Variants in WHRN observed in about 807,000 individuals in gnomAD.
WHRN encodes the protein CASK-interacting protein CIP98.
WHRN carries 41 observed loss-of-function variants against 68.3 expected under a neutral mutation model. That is an observed-to-expected ratio of 0.60 (90% CI 0.47 to 0.78). WHRN has a LOEUF of 0.78. Ranked by LOEUF, WHRN falls within the 30% of genes least tolerant of loss-of-function variation. The pLI is 0.00. For missense variants in WHRN, 1,243 were observed against 1,244.7 expected, an observed-to-expected ratio of 1.00 and a Z score of 0.02; for synonymous variants, 560 against 561.3, an observed-to-expected ratio of 1.00 and a Z score of 0.03.
chr9:114,403,168 G>T, intron 11 of WHRN, 49 bp downstream of exon 11: 1 of 1,611,982 alleles, frequency 6.2e-7, no homozygotes, highest in South Asian at 1.1e-5. Context: ...CTGAGAAAGG[G>T]CCTTTCAGGG....
At chr9:114,490,874 G>A (rs1842918051) in intron 1 of WHRN, among the ~76,000 whole-genome samples, 1 of 152,204 alleles carries the variant, frequency 6.6e-6, no homozygotes, top group East Asian at 1.9e-4. Flanking sequence ...GGACAGAACA[G>A]ATTCCAGAAA....
At chr9:114,483,096 A>G (rs1474092463) in intron 1 of WHRN, among the ~76,000 whole-genome samples, 1 of 152,160 alleles carries the variant, frequency 6.6e-6, no homozygotes, top group Non-Finnish European at 1.5e-5. Flanking sequence ...CCATTCATCT[A>G]CCTCTGATAA....
rs773634514 is a variant in WHRN at position 114,504,387 on chromosome 9, G to A, written c.415C>T (p.Arg139Cys). Residue 139 changes from arginine to cysteine, a missense_variant, in exon 1 of 12, where the codon CGC (arginine) becomes TGC (cysteine). Transcript: ENST00000362057. Reference sequence around the variant, plus strand: ...TTGGCACGCCGCAAACTCACCAGGCGCACCTCCCCTGGCCCCGCGCTGTCG... The same window carrying A: ...TTGGCACGCCGCAAACTCACCAGGCACACCTCCCCTGGCCCCGCGCTGTCG... ...GPDSAGPGEV[R>C]LVSLRRAKAH... 3.7e-6 allele frequency: 6 copies of A among 1,605,916 alleles called. No homozygotes were observed. Among genetic ancestry groups the A allele is most frequent in the Non-Finnish European group, 4.2e-6 (5 of 1,179,760 alleles).
At chr9:114,459,818 C>T (rs952421843) in intron 3 of WHRN, among the ~76,000 whole-genome samples, 1 of 152,198 alleles carries the variant, frequency 6.6e-6, no homozygotes, top group African/African-American at 2.4e-5. Context: ...AAACGAAATA[C>T]ATTTAAAGGA....
intron 3 of WHRN, among the ~76,000 whole-genome samples, chr9:114,456,528 A>C (rs10739417): frequency 0.74 from 113,060 of 151,806 alleles, 42,359 homozygotes; most frequent in East Asian, 0.96. Context: ...CTCCCTCCTC[A>C]AAAGTATATG....
intron 3 of WHRN, among the ~76,000 whole-genome samples, chr9:114,432,122 T>C (rs992821005): frequency 6.6e-6 from 1 of 152,076 alleles, no homozygotes; most frequent in African/African-American, 2.4e-5. Context: ...GAGTGGAGGG[T>C]GGACCATGGA....
At position 114,504,588 on chromosome 9, in the gene WHRN, A is replaced by C. The variant is rs747570706; in HGVS notation, c.214T>G (p.Phe72Val). 1 of 1,611,504 alleles carries C rather than the reference A, an allele frequency of 6.2e-7. No homozygotes were observed. The highest frequency in any genetic ancestry group is 8.5e-7 in the Non-Finnish European group (1 of 1,179,634). The change falls in exon 1 of 12, where the codon TTC becomes GTC. Residue 72 changes from phenylalanine to valine, a missense_variant. Coordinates refer to ENST00000362057, the MANE Select transcript of WHRN (RefSeq NM_015404.4). The part of the protein sequence containing the change: ...LNAYHARRNV[F>V]DLVRTLRVLL... ...ACGCGCAGGGTGCGCACCAGGTCGA[A>C]GACGTTGCGGCGCGCGTGGTAAGCG...
At chr9:114,434,174 T>C (rs1837652906) in intron 3 of WHRN, among the ~76,000 whole-genome samples, 1 of 152,158 alleles carries the variant, frequency 6.6e-6, no homozygotes, top group African/African-American at 2.4e-5. Context: ...AGCTACCTTG[T>C]ACAGTTTAGC....
chr9:114,491,197 C>T lies in WHRN; in HGVS notation c.619-12426G>A, dbSNP rs183807543. ...TAGATACGTTGATGGGATTTAGTCT[C>T]CTCCCAGACTCTTGACATCCCTGTG... On this transcript the variant is annotated intron_variant, in intron 1 of 11. Transcript: ENST00000362057. Among the ~76,000 whole-genome samples, 4 of 152,282 alleles carry T rather than the reference C, an allele frequency of 2.6e-5. No individual in the cohort carries two copies. The East Asian group carries it at 7.7e-4, about 29-fold the overall frequency.
At position 114,411,174 on chromosome 9, in the gene WHRN, G is replaced by A. The variant is rs904789592; in HGVS notation, c.1627-3156C>T. Among the ~76,000 whole-genome samples the A allele has an allele frequency of 5.3e-5, 8 of 152,276 alleles. No homozygotes were observed. In the East Asian group the frequency reaches 1.5e-3, roughly 29 times the overall value. On this transcript the variant is annotated intron_variant, in intron 7 of 11. Transcript: ENST00000362057. ...CGTGTCCTGGCCCATATGACAACTA[G>A]GATGGAAAGGAATGGCAGCCCTCTC...
At chr9:114,444,523 G>A (rs372181161) in intron 3 of WHRN, among the ~76,000 whole-genome samples, 1 of 151,680 alleles carries the variant, frequency 6.6e-6, no homozygotes, top group African/African-American at 2.4e-5. Context: ...ACAGTAAAAA[G>A]GGGGGTATAT....
At chr9:114,456,742 T>A (rs945943446) in intron 3 of WHRN, among the ~76,000 whole-genome samples, 6 of 151,498 alleles carry the variant, frequency 4.0e-5, no homozygotes, top group Non-Finnish European at 8.8e-5. Flanking sequence ...GGCAGGAGAA[T>A]CGCTTGAACC....
intron 3 of WHRN, among the ~76,000 whole-genome samples, chr9:114,462,606 T>C (rs555516170): frequency 2.6e-5 from 4 of 152,296 alleles, no homozygotes; most frequent in African/African-American, 9.6e-5. Flanking sequence ...TTTAAGTCTG[T>C]AAGTCTTGGT....
At chr9:114,417,800 T>A (rs1835926958) in intron 7 of WHRN, among the ~76,000 whole-genome samples, 1 of 152,240 alleles carries the variant, frequency 6.6e-6, no homozygotes, top group Non-Finnish European at 1.5e-5. Context: ...CAGTCCTTGT[T>A]CAAATATACA....
intron 1 of WHRN, among the ~76,000 whole-genome samples, chr9:114,488,647 T>G (rs1249111703): frequency 6.6e-6 from 1 of 152,196 alleles, no homozygotes. Flanking sequence ...TCCAGCCACA[T>G]GGACTGGAAA....
Position 114,423,408 on chromosome 9 carries a change from G to A in WHRN, c.1532C>T (p.Pro511Leu). Reference protein sequence around the residue: ...ESMKARQPPGPGAGDTYSMVS... With the variant: ...ESMKARQPPGLGAGDTYSMVS... ...CATGGAGTAGGTGTCCCCAGCCCCGGGGCCTGGGGGCTGCCGCGCCTTCAT... is the reference window on the plus strand; with the variant it reads ...CATGGAGTAGGTGTCCCCAGCCCCGAGGCCTGGGGGCTGCCGCGCCTTCAT... Residue 511 changes from proline to leucine, a missense_variant, in exon 7 of 12, where the codon CCC becomes CTC. Pro to Leu is a moderately conservative substitution (Grantham distance 98, BLOSUM62 -3). Transcript: ENST00000362057. 6.2e-7 allele frequency: 1 copy of A among 1,614,042 alleles called. No homozygotes were observed.
At chr9:114,482,107 G>A (rs1246870973) in intron 1 of WHRN, among the ~76,000 whole-genome samples, 1 of 151,740 alleles carries the variant, frequency 6.6e-6, no homozygotes, top group African/African-American at 2.4e-5. Context: ...GCATAGCCAG[G>A]TCCATAGAAG....
chr9:114,438,635 G>T (rs1392064921), intron 3 of WHRN, among the ~76,000 whole-genome samples: 1 of 151,910 alleles, frequency 6.6e-6, no homozygotes, highest in Non-Finnish European at 1.5e-5. Context: ...TGTATTTTTA[G>T]TAGAGATGGG....
rs572030510 is a variant in WHRN, at chr9:114,479,543, G to A, written c.619-772C>T. Among the ~76,000 whole-genome samples the A allele has an allele frequency of 3.9e-5, 6 of 152,294 alleles. No homozygotes were observed. The East Asian group carries it at 1.2e-3, about 29-fold the overall frequency. ...ACCCAGGTGTCATCTTGGGGACTCT[G>A]ATAAAATACCAAGCACAGAGTCGAC... On this transcript the variant is annotated intron_variant, in intron 1 of 11. Coordinates refer to ENST00000362057, the MANE Select transcript of WHRN (RefSeq NM_015404.4).
Sources: allele counts gnomAD v4.1 joint callset (sites outside exome capture counted in the v4.1 genomes callset), GRCh38; gene constraint gnomAD v4.1.1; transcripts MANE v1.5; gene names NCBI Gene and HGNC (gene_info 2026-07-23, HGNC 2026-07-21).